Variants in IFT74 observed in about 807,000 individuals in gnomAD.
IFT74 encodes intraflagellar transport 74, also known as intraflagellar transport protein 74 homolog.
Under a neutral mutation model 96.7 loss-of-function variants are expected in IFT74, and 92 were observed. That is an observed-to-expected ratio of 0.95 (90% CI 0.80 to 1.13). The LOEUF (loss-of-function observed/expected upper bound fraction) is 1.13, where lower values mean the gene tolerates loss of function less well. Among genes scored for constraint, IFT74 ranks in the 50% most tolerant of loss-of-function variants. IFT74 has a pLI of 0.00. For missense variants in IFT74, 811 were observed against 698.2 expected, an observed-to-expected ratio of 1.16 and a Z score of -1.82; for synonymous variants, 223 against 213.2, an observed-to-expected ratio of 1.05 and a Z score of -0.40.
intron 12 of IFT74, among the ~76,000 whole-genome samples, chr9:27,020,260 T>A (rs1230484104): frequency 1.3e-5 from 2 of 152,162 alleles, no homozygotes; most frequent in African/African-American, 4.8e-5. Context: ...TTACAACTTA[T>A]GAAATTAAAT....
chr9:26,963,810 G>T (rs957867052), intron 2 of IFT74, among the ~76,000 whole-genome samples: 11 of 152,018 alleles, frequency 7.2e-5, no homozygotes, highest in African/African-American at 2.2e-4. Flanking sequence ...GGGGTTGTTT[G>T]TTTTTTTCTT....
chr9:26,956,185 T>C (rs1826083133), upstream of IFT74: 8 of 152,262 alleles, frequency 5.3e-5, no homozygotes, highest in South Asian at 1.7e-3. Flanking sequence ...GAGGTTGCTC[T>C]GATTATCAAG....
At chr9:26,948,448 ATTTTTTTTTTTTTTTTT>A (rs71841244) in intron 1 of IFT74, among the ~76,000 whole-genome samples, 1,215 of 59,106 alleles carry the variant, frequency 0.021, 58 homozygotes, top group South Asian at 0.098. Context: ...GCTTTCCATT[ATTTTTTTTTTTTTTTTT>A]TTTTTTTTTT....
At position 27,012,735 on chromosome 9, in the gene IFT74, T is replaced by TTTA. The variant is rs1432648656; in HGVS notation, c.789+767_789+768insTTA. On this transcript the variant is annotated intron_variant, in intron 10 of 19. Transcript: ENST00000380062. Reference sequence around the variant, plus strand: ...TTTTTTTTTTTTTTTTTTTTTTTTTTAGACAGAGTATCGCTCTGTTGCCCA... The same window carrying TTTA: ...TTTTTTTTTTTTTTTTTTTTTTTTTTTTAAGACAGAGTATCGCTCTGTTGCCCA... Among the ~76,000 whole-genome samples, 480 of 118,166 alleles carry TTTA rather than the reference T, an allele frequency of 4.1e-3. 22 individuals are homozygous for TTTA. The highest frequency in any genetic ancestry group is 0.015 in the African/African-American group (458 of 29,818). The allele number at this position is 118,166 out of a possible 152,430, so 77.5% of individuals were successfully genotyped here. A position where few individuals can be genotyped will look rare whatever the true frequency, so the allele number is the denominator to read the frequency against.
chr9:27,058,728 G>C (rs1380337517), intron 18 of IFT74, among the ~76,000 whole-genome samples: 1 of 152,188 alleles, frequency 6.6e-6, no homozygotes, highest in Non-Finnish European at 1.5e-5. Context: ...TCATTGTATG[G>C]ATGTACCATT....
At chr9:27,010,439 C>T (rs1038848055) in intron 9 of IFT74, among the ~76,000 whole-genome samples, 4 of 151,878 alleles carry the variant, frequency 2.6e-5, no homozygotes, top group African/African-American at 9.7e-5. Context: ...CTGGGCACCA[C>T]CTTCTCAGCC....
intron 2 of IFT74, among the ~76,000 whole-genome samples, chr9:26,962,926 A>ATTTTTTTTTTTTTTTTTTTTTTTTTTT (rs370313745): frequency 1.5e-5 from 2 of 136,536 alleles, no homozygotes; most frequent in Admixed American, 7.3e-5. Flanking sequence ...AACTTTACTA[A>ATTTTTTTTTTTTTTTTTTTTTTTTTTT]TTTTTTTTTT....
At chr9:27,033,326 G>T (rs557732085) in intron 13 of IFT74, among the ~76,000 whole-genome samples, 3 of 151,964 alleles carry the variant, frequency 2.0e-5, no homozygotes, top group Non-Finnish European at 2.9e-5. Context: ...GGGAGGCTGA[G>T]GGGGGTGGAT....
intron 1 of IFT74, among the ~76,000 whole-genome samples, chr9:26,961,182 C>G (rs1045784822): frequency 1.3e-5 from 2 of 150,896 alleles, no homozygotes; most frequent in Non-Finnish European, 2.9e-5. Flanking sequence ...ACTCTGCTTC[C>G]CAGGTTCATG....
intron 6 of IFT74, among the ~76,000 whole-genome samples, chr9:26,988,408 T>C (rs1040204049): frequency 3.9e-5 from 6 of 152,230 alleles, no homozygotes; most frequent in African/African-American, 1.4e-4. Context: ...CTCCACAAGA[T>C]ATAATATTCA....
At chr9:26,996,916 C>A (rs1056856728) in intron 8 of IFT74, among the ~76,000 whole-genome samples, 1 of 152,074 alleles carries the variant, frequency 6.6e-6, no homozygotes, top group African/African-American at 2.4e-5. Context: ...ATGTATAGAA[C>A]ATTTACATTT....
upstream of IFT74, among the ~76,000 whole-genome samples, chr9:26,952,280 C>CA (rs1825958544): frequency 7.1e-6 from 1 of 141,656 alleles, no homozygotes; most frequent in Non-Finnish European, 1.5e-5. Context: ...TTTTTTTAAC[C>CA]TTTTTTTTTT....
intron 8 of IFT74, chr9:26,995,699 T>C (rs1828114474): frequency 6.2e-7 from 1 of 1,613,822 alleles, no homozygotes; most frequent in African/African-American, 1.3e-5. Flanking sequence ...GGTTTCTGCT[T>C]CATGCTCTTC....
intron 1 of IFT74, among the ~76,000 whole-genome samples, chr9:26,959,387 G>T (rs1212352255): frequency 6.6e-6 from 1 of 152,196 alleles, no homozygotes; most frequent in African/African-American, 2.4e-5. Context: ...GGGATTGCAG[G>T]CATGAGCCAC....
rs1227738432 is a variant in IFT74, at chr9:27,064,004, C to G, written c.*1268C>G. On this transcript the variant is annotated 3_prime_UTR_variant, in exon 20 of 20. Transcript: ENST00000380062. The stretch of plus-strand genomic sequence containing the variant: ...GTCAAAGAAGTTTGGGAAACGTTGT[C>G]TGAAACAAAGGTGAATTATTTTATT... Among the ~76,000 whole-genome samples, 1 of 152,006 alleles carries G rather than the reference C, an allele frequency of 6.6e-6. No individual in the cohort carries two copies. The highest frequency in any genetic ancestry group is 2.4e-5 in the African/African-American group (1 of 41,380).
chr9:27,013,122 C>T (rs1829185916), intron 10 of IFT74, among the ~76,000 whole-genome samples: 1 of 152,164 alleles, frequency 6.6e-6, no homozygotes, highest in Admixed American at 6.5e-5. Flanking sequence ...TCAGCATCAT[C>T]TTCATGTAAT....
intron 13 of IFT74, chr9:27,036,308 T>A (rs1819177915): frequency 8.2e-7 from 1 of 1,220,414 alleles, no homozygotes; most frequent in African/African-American, 1.6e-5. Flanking sequence ...CAACTGTATT[T>A]CCCAGAGAAT....
rs112710470 is a variant in IFT74 at position 27,014,194 on chromosome 9, G to A, written c.789+2226G>A. Among the ~76,000 whole-genome samples the A allele has an allele frequency of 5.7e-3, 871 of 152,210 alleles. 10 individuals carry two copies. The highest frequency in any genetic ancestry group is 0.02 in the African/African-American group (816 of 41,542). On this transcript the variant is annotated intron_variant, in intron 10 of 19. Coordinates refer to ENST00000380062, the MANE Select transcript of IFT74 (RefSeq NM_025103.4). ...CACGCCACTGCACTCCAGCCTGGGC[G>A]ACGGAGCAAGATTCTGTCTAAAAAA...
intron 9 of IFT74, among the ~76,000 whole-genome samples, chr9:27,010,476 C>CTT (rs1376199224): frequency 5.5e-5 from 8 of 146,184 alleles, no homozygotes; most frequent in African/African-American, 2.0e-4. Context: ...CTACTACCCC[C>CTT]TTTTTTTTGT....
Sources: gnomAD v4.1 joint callset for allele counts (sites outside exome capture counted in the v4.1 genomes callset) on GRCh38, gnomAD v4.1.1 for gene constraint, MANE v1.5 for transcripts, NCBI Gene and HGNC (gene_info 2026-07-23, HGNC 2026-07-21) for gene names.